Variants in FOXP2 observed in about 807,000 individuals in gnomAD.
The protein encoded by FOXP2 is forkhead box P2, also known as forkhead box protein P2.
A neutral mutation model predicts 115.8 loss-of-function variants in FOXP2; 12 were observed. The observed-to-expected ratio is 0.10, with a 90% CI of 0.07 to 0.17. The LOEUF is 0.17. Ranked by LOEUF, FOXP2 falls within the 10% of genes least tolerant of loss-of-function variation. The pLI, the probability that FOXP2 is intolerant of heterozygous loss-of-function variation, is 1.00. For missense variants in FOXP2, 629 were observed against 843.5 expected (o/e 0.75, Z 3.15); for synonymous variants, 328 against 297.7 (o/e 1.10, Z -1.05).
At chr7:114,404,056 A>G (rs557654791) in intron 2 of FOXP2, among the ~76,000 whole-genome samples, 3 of 152,250 alleles carry the variant, frequency 2.0e-5, no homozygotes, top group South Asian at 4.1e-4. Context: ...TTAGCTTTAT[A>G]TATGGTTAGC....
At chr7:114,649,026 G>A (rs1191543378) in intron 8 of FOXP2, among the ~76,000 whole-genome samples, 1 of 151,970 alleles carries the variant, frequency 6.6e-6, no homozygotes, top group Admixed American at 6.6e-5. Context: ...TATTTCATAG[G>A]CATTCAGTAA....
At chr7:114,287,078 A>T (rs554084912) in intron 1 of FOXP2, among the ~76,000 whole-genome samples, 1 of 152,096 alleles carries the variant, frequency 6.6e-6, no homozygotes, top group South Asian at 2.1e-4. Context: ...CTCTCCATAC[A>T]GCTCTCCATT....
intron 1 of FOXP2, among the ~76,000 whole-genome samples, chr7:114,186,807 C>G (rs1793618993): frequency 6.6e-6 from 1 of 152,182 alleles, no homozygotes; most frequent in African/African-American, 2.4e-5. Context: ...GCCATGTGGA[C>G]ACTGCCAAGG....
intron 1 of FOXP2, among the ~76,000 whole-genome samples, chr7:114,164,766 G>A (rs1792931766): frequency 1.3e-5 from 2 of 152,102 alleles, no homozygotes; most frequent in South Asian, 4.1e-4. Flanking sequence ...AACTTTAAAA[G>A]CCTATTTAAA....
rs1219899810 is a variant in FOXP2 at position 114,693,226 on chromosome 7, A to G, written c.*3300A>G. 1 of 450,318 alleles carries G rather than the reference A, an allele frequency of 2.2e-6. No homozygotes were observed. Among genetic ancestry groups the G allele is most frequent in the Non-Finnish European group, 4.5e-6 (1 of 224,452 alleles). 27.9% of individuals were successfully genotyped at this position (450,318 alleles called of 1,614,324 possible). A position where few individuals can be genotyped will look rare whatever the true frequency, so the allele number is the denominator to read the frequency against. On this transcript the variant is annotated 3_prime_UTR_variant, in exon 17 of 17. Coordinates refer to ENST00000350908, the MANE Select transcript of FOXP2 (RefSeq NM_014491.4). ...ACTGGGTTTTCTTTAGATAACTCAGATATGGAGAAAATGTCATCAGCATTC... is the reference window on the plus strand; with the variant it reads ...ACTGGGTTTTCTTTAGATAACTCAGGTATGGAGAAAATGTCATCAGCATTC...
intron 2 of FOXP2, among the ~76,000 whole-genome samples, chr7:114,336,855 A>T (rs1797865047): frequency 6.6e-6 from 1 of 151,294 alleles, no homozygotes; most frequent in Non-Finnish European, 1.5e-5. Context: ...TCACCATGCA[A>T]ATCACTTGCA....
chr7:114,154,995 T>G (rs1730836909), intron 1 of FOXP2, among the ~76,000 whole-genome samples: 1 of 152,132 alleles, frequency 6.6e-6, no homozygotes, highest in Non-Finnish European at 1.5e-5. Context: ...CCAAAGATTA[T>G]GTAGATAAGT....
intron 1 of FOXP2, among the ~76,000 whole-genome samples, chr7:114,212,924 G>C (rs900362129): frequency 6.6e-6 from 1 of 152,202 alleles, no homozygotes. Context: ...GTGAGAAAGT[G>C]AAGTCTTGTT....
chr7:114,440,005 A>G (rs568952059), intron 2 of FOXP2, among the ~76,000 whole-genome samples: 4 of 152,272 alleles, frequency 2.6e-5, no homozygotes, highest in Admixed American at 1.3e-4. Context: ...GTAGAAACCT[A>G]TCTTCGAGTA....
intron 3 of FOXP2, among the ~76,000 whole-genome samples, chr7:114,615,317 A>G (rs1193769970): frequency 6.6e-6 from 1 of 152,134 alleles, no homozygotes; most frequent in Non-Finnish European, 1.5e-5. Context: ...AGTTAACTAA[A>G]AGGATGATCT....
chr7:114,115,501 CT>C (rs1407729695), intron 1 of FOXP2, among the ~76,000 whole-genome samples: 1 of 152,098 alleles, frequency 6.6e-6, no homozygotes, highest in African/African-American at 2.4e-5. Context: ...CTTCAACACA[CT>C]GGCATCTGTT....
upstream of FOXP2, among the ~76,000 whole-genome samples, chr7:114,409,693 T>C (rs575965440): frequency 6.6e-6 from 1 of 152,178 alleles, no homozygotes; most frequent in African/African-American, 2.4e-5. Context: ...ACTTGCATCA[T>C]AGAATTATTG....
At chr7:114,498,500 A>G (rs1797422494) in intron 2 of FOXP2, among the ~76,000 whole-genome samples, 1 of 152,190 alleles carries the variant, frequency 6.6e-6, no homozygotes, top group South Asian at 2.1e-4. Context: ...AACACTGGAA[A>G]ATAGGAAACT....
intron 2 of FOXP2, among the ~76,000 whole-genome samples, chr7:114,398,201 A>T (rs193195573): frequency 1.3e-5 from 2 of 152,266 alleles, no homozygotes; most frequent in East Asian, 3.9e-4. Flanking sequence ...GTAAAAAATT[A>T]CGTTTTTCAA....
At chr7:114,635,793 G>A (rs1805185365) in intron 6 of FOXP2, among the ~76,000 whole-genome samples, 1 of 152,048 alleles carries the variant, frequency 6.6e-6, no homozygotes, top group African/African-American at 2.4e-5. Context: ...AGACTCGAAA[G>A]CAGTGTGTCA....
At chr7:114,341,685 T>C (rs1342134901) in intron 2 of FOXP2, among the ~76,000 whole-genome samples, 1 of 151,354 alleles carries the variant, frequency 6.6e-6, no homozygotes, top group Non-Finnish European at 1.5e-5. Context: ...TTCTTTATAT[T>C]TTATTTTCTA....
In FOXP2 at chr7:114,664,254, A is replaced by T. The variant is rs777165094; in HGVS notation, c.1840-19A>T. On this transcript the variant is annotated intron_variant, in intron 15 of 16. Transcript: ENST00000350908. ...AATGCCATTTTGAAAGTTGTTTTACACAATCTTCATTTCACTAGGCTGCCT... is the reference window on the plus strand; with the variant it reads ...AATGCCATTTTGAAAGTTGTTTTACTCAATCTTCATTTCACTAGGCTGCCT... 1.9e-6 allele frequency: 3 copies of T among 1,611,946 alleles called. No homozygotes were observed. Among genetic ancestry groups the T allele is most frequent in the East Asian group, 4.5e-5 (2 of 44,826 alleles).
rs576587849 is a variant in FOXP2, at chr7:114,359,069, G to A, written c.-10-67433G>A. Among the ~76,000 whole-genome samples the A allele has an allele frequency of 2.0e-5, 3 of 152,230 alleles. No individual in the cohort carries two copies. The East Asian group carries it at 5.8e-4, about 29-fold the overall frequency. ...AGCCCCTCCCATCACAAGCCAGGAC[G>A]CCTAGGAGGAAAAAATGGTTTTGTG... On this transcript the variant is annotated intron_variant, in intron 2 of 17. Transcript: ENST00000634411.
chr7:114,249,368 C>G (rs1045297645), intron 1 of FOXP2, among the ~76,000 whole-genome samples: 13 of 152,092 alleles, frequency 8.5e-5, no homozygotes, highest in African/African-American at 2.9e-4. Flanking sequence ...TCCTTCCCCC[C>G]CGTTCCCCCC....
Sources: gnomAD v4.1 joint callset for allele counts (sites outside exome capture counted in the v4.1 genomes callset) on GRCh38, gnomAD v4.1.1 for gene constraint, MANE v1.5 for transcripts, NCBI Gene and HGNC (gene_info 2026-07-23, HGNC 2026-07-21) for gene names.